The following PTPN13 variants were observed in gnomAD, a reference collection of about 807,000 sequenced individuals.
The protein encoded by PTPN13 is protein tyrosine phosphatase non-receptor type 13.
PTPN13 carries 191 observed loss-of-function variants against 284.0 expected under a neutral mutation model. The observed-to-expected ratio is 0.67, with a 90% CI of 0.60 to 0.76. The LOEUF (loss-of-function observed/expected upper bound fraction) is 0.76. Ranked by LOEUF, PTPN13 falls within the 30% of genes least tolerant of loss-of-function variation. The pLI, the probability that PTPN13 is intolerant of heterozygous loss-of-function variation, is 0.00. For missense variants in PTPN13, 2,797 were observed against 2,939.9 expected (o/e 0.95, Z 1.12); for synonymous variants, 986 against 1,022.3 (o/e 0.96, Z 0.68).
chr4:86,763,806 G>A (rs1738974850), intron 24 of PTPN13, among the ~76,000 whole-genome samples: 1 of 152,194 alleles, frequency 6.6e-6, no homozygotes, highest in Admixed American at 6.5e-5. Context: ...TAGCTCCTTG[G>A]GAGGCTGGGT....
At chr4:86,808,089 A>G (rs191403685) in intron 45 of PTPN13, among the ~76,000 whole-genome samples, 192 bp downstream of exon 45, 22 of 152,264 alleles carry the variant, frequency 1.4e-4, no homozygotes, top group Admixed American at 1.4e-3. Context: ...GTCTTCATGA[A>G]TTCTGCCAGT....
chr4:86,605,834 T>G (rs2149173441), intron 1 of PTPN13, among the ~76,000 whole-genome samples: 1 of 151,842 alleles, frequency 6.6e-6, no homozygotes, highest in East Asian at 1.9e-4. Context: ...AATAAAGAGA[T>G]ATAGGTAAAG....
intron 10 of PTPN13, among the ~76,000 whole-genome samples, chr4:86,728,916 G>C (rs534983723): frequency 1.4e-5 from 2 of 148,090 alleles, no homozygotes; most frequent in African/African-American, 4.9e-5. Context: ...CCTATTAATT[G>C]AGGCAGTTTC....
intron 10 of PTPN13, among the ~76,000 whole-genome samples, chr4:86,729,708 C>G (rs1734722259): frequency 6.7e-6 from 1 of 149,812 alleles, no homozygotes; most frequent in Non-Finnish European, 1.5e-5. Context: ...TTAAGGTCTT[C>G]TCTACACTGT....
At chr4:86,663,655 T>A (rs1476933003) in intron 2 of PTPN13, among the ~76,000 whole-genome samples, 3 of 152,222 alleles carry the variant, frequency 2.0e-5, no homozygotes, top group Admixed American at 1.3e-4. Flanking sequence ...AATTTATTTC[T>A]AAATGTCAGT....
At chr4:86,786,765 T>C (rs985086362) in intron 40 of PTPN13, among the ~76,000 whole-genome samples, 1 of 152,170 alleles carries the variant, frequency 6.6e-6, no homozygotes, top group Admixed American at 6.5e-5. Context: ...TATGTTGTAA[T>C]GTCTTTTAAC....
rs1200284611 is a variant in PTPN13, at chr4:86,780,466, G to A, written c.5956G>A (p.Gly1986Ser). 1.9e-6 allele frequency: 3 copies of A among 1,599,824 alleles called. No homozygotes were observed. Among genetic ancestry groups the A allele is most frequent in the Non-Finnish European group, 2.6e-6 (3 of 1,168,524 alleles). The change falls in exon 36 of 48, where the codon GGC becomes AGC. Residue 1986 changes from glycine (G) to serine (S), a missense_variant. Coordinates refer to ENST00000411767, the MANE Select transcript of PTPN13 (RefSeq NM_080683.3). ...SAVSAPKSTKGNGSYSVGSCS... is the reference protein window; with the variant it reads ...SAVSAPKSTKSNGSYSVGSCS... Reference sequence around the variant, plus strand: ...TGTTTCAGCTCCAAAGTCAACCAAAGGCAATGGTAAGGATATATTCATTTT... The same window carrying A: ...TGTTTCAGCTCCAAAGTCAACCAAAAGCAATGGTAAGGATATATTCATTTT...
At chr4:86,798,023 A>G (rs1339862007) in intron 41 of PTPN13, among the ~76,000 whole-genome samples, 1 of 152,184 alleles carries the variant, frequency 6.6e-6, no homozygotes, top group East Asian at 1.9e-4. Context: ...TTAATCCCCA[A>G]AAAACTGAAG....
At chr4:86,603,237 A>C (rs1163960567) in intron 1 of PTPN13, among the ~76,000 whole-genome samples, 1 of 152,104 alleles carries the variant, frequency 6.6e-6, no homozygotes, top group Non-Finnish European at 1.5e-5. Context: ...TCTAAACATA[A>C]TTAGAAAAGA....
chr4:86,667,378 T>C (rs112456287), intron 2 of PTPN13, among the ~76,000 whole-genome samples: 7,096 of 152,304 alleles, frequency 0.047, 221 homozygotes, highest in African/African-American at 0.061. Context: ...GATTGCTGTT[T>C]TATCCTTTAT....
chr4:86,763,515 A>T (rs1360206706), intron 24 of PTPN13, among the ~76,000 whole-genome samples: 2 of 152,210 alleles, frequency 1.3e-5, no homozygotes, highest in Non-Finnish European at 2.9e-5. Context: ...AATATCTGAA[A>T]ATTGTTTCTA....
At chr4:86,670,569 C>T (rs1727620091) in intron 2 of PTPN13, among the ~76,000 whole-genome samples, 1 of 152,088 alleles carries the variant, frequency 6.6e-6, no homozygotes. Flanking sequence ...TTCTCACCAC[C>T]TCTATTGCCA....
Position 86,769,876 on chromosome 4 carries a change from G to A in PTPN13, c.4597G>A (p.Val1533Ile), listed in dbSNP as rs1739782152. The A allele has an allele frequency of 6.2e-7, 1 of 1,613,912 alleles. No individual in the cohort carries two copies. The highest frequency in any genetic ancestry group is 2.2e-5 in the East Asian group (1 of 44,878). ...PEQINASIVRVKKLFPGQPAA... is the reference protein window; with the variant it reads ...PEQINASIVRIKKLFPGQPAA... ...GCAAATTAATGCCAGCATAGTAAGG[G>A]TTAAAAAGCTCTTTCCTGGACAGCC... The change falls in exon 29 of 48, where the codon GTT becomes ATT. Residue 1533 changes from valine to isoleucine, a missense_variant. Coordinates refer to ENST00000411767, the MANE Select transcript of PTPN13 (RefSeq NM_080683.3).
intron 1 of PTPN13, among the ~76,000 whole-genome samples, chr4:86,607,750 G>GT (rs1013018405): frequency 2.6e-5 from 4 of 151,924 alleles, no homozygotes; most frequent in Admixed American, 6.6e-5. Context: ...AAATTCATGA[G>GT]TTTTTTTATG....
intron 14 of PTPN13, among the ~76,000 whole-genome samples, chr4:86,735,271 T>C (rs561707225): frequency 1.3e-5 from 2 of 152,296 alleles, no homozygotes; most frequent in South Asian, 2.1e-4. Flanking sequence ...CTGATGTTTC[T>C]AAATAAAATT....
Position 86,770,135 on chromosome 4 carries a change from A to G in PTPN13, c.4739A>G (p.Glu1580Gly). Residue 1580 changes from glutamate (E) to glycine (G), a missense_variant, in exon 30 of 48, where the codon GAA becomes GGA. Glu to Gly is a moderately conservative substitution (Grantham distance 98). Transcript: ENST00000411767. ...TCTGCTCTCAGGGGAACTGCTCCAG[A>G]AGTATTCTTGCTTCTCTGCAGACCT... ...VISALRGTAP[E>G]VFLLLCRPPP... is the part of the protein sequence containing the mutation. 1 of 1,613,732 alleles carries G rather than the reference A, an allele frequency of 6.2e-7. No individual in the cohort carries two copies.
At chr4:86,718,482 G>A (rs1733270917) in intron 9 of PTPN13, among the ~76,000 whole-genome samples, 2 of 127,994 alleles carry the variant, frequency 1.6e-5, no homozygotes, top group Non-Finnish European at 1.8e-5. Context: ...ACAGAGTCTC[G>A]CTTTGCTGCC....
At chr4:86,784,607 C>G (rs770152566) in intron 38 of PTPN13, 49 bp downstream of exon 38, 22 of 1,240,676 alleles carry the variant, frequency 1.8e-5, no homozygotes, top group Non-Finnish European at 2.4e-5. Flanking sequence ...CCTAATAATT[C>G]AGGTAATTAA....
Position 86,774,434 on chromosome 4 carries a change from C to T in PTPN13, c.5411C>T (p.Thr1804Ile), listed in dbSNP as rs1259123487. The change falls in exon 33 of 48, where the codon ACC becomes ATC. Residue 1804 changes from threonine (T) to isoleucine (I), a missense_variant. Physicochemically the swap from Thr to Ile is moderately conservative, Grantham distance 89. Coordinates refer to ENST00000411767, the MANE Select transcript of PTPN13 (RefSeq NM_080683.3). Reference sequence around the variant, plus strand: ...AAAGGAAGCCTGGGTTTTACAGTAACCAAAGGCAATCAGAGAATTGGTTGT... The same window carrying T: ...AAAGGAAGCCTGGGTTTTACAGTAATCAAAGGCAATCAGAGAATTGGTTGT... ...SEKGSLGFTV[T>I]KGNQRIGCYV... The T allele has an allele frequency of 1.0e-5, 16 of 1,605,950 alleles. No individual in the cohort carries two copies. Among genetic ancestry groups the T allele is most frequent in the African/African-American group, 1.3e-5 (1 of 74,800 alleles).
Sources: allele counts gnomAD v4.1 joint callset (sites outside exome capture counted in the v4.1 genomes callset), GRCh38; gene constraint gnomAD v4.1.1; transcripts MANE v1.5; gene names NCBI Gene and HGNC (gene_info 2026-07-23, HGNC 2026-07-21).